ZFPM2: variants seen among roughly 807,000 people sequenced by gnomAD.
The protein encoded by ZFPM2 is zinc finger protein ZFPM2.
A neutral mutation model predicts 98.6 loss-of-function variants in ZFPM2; 20 were observed. The ratio of observed to expected loss-of-function variants is 0.20; its 90% CI spans 0.14 to 0.29. The LOEUF (loss-of-function observed/expected upper bound fraction) is 0.29. Among genes scored for constraint, ZFPM2 ranks in the 10% least tolerant of loss-of-function variants. The pLI is 1.00. For missense variants in ZFPM2, 1,310 were observed against 1,388.6 expected, an observed-to-expected ratio of 0.94 and a Z score of 0.90; for synonymous variants, 518 against 502.7, an observed-to-expected ratio of 1.03 and a Z score of -0.41.
At chr8:105,764,734 A>C (rs2131079087) in intron 5 of ZFPM2, among the ~76,000 whole-genome samples, 1 of 151,698 alleles carries the variant, frequency 6.6e-6, no homozygotes, top group South Asian at 2.1e-4. Context: ...ATTTCAGGGT[A>C]ATTTTATACA....
intron 2 of ZFPM2, among the ~76,000 whole-genome samples, chr8:105,441,421 AAAGAAAG>A (rs1399976753): frequency 7.6e-5 from 9 of 118,352 alleles, no homozygotes; most frequent in African/African-American, 3.9e-4. Context: ...CAACAAAAAA[AAAGAAAG>A]AAAGAAAGAG....
At chr8:105,524,908 T>C (rs1814142158) in intron 3 of ZFPM2, among the ~76,000 whole-genome samples, 1 of 152,096 alleles carries the variant, frequency 6.6e-6, no homozygotes, top group Non-Finnish European at 1.5e-5. Flanking sequence ...GAGATAATGG[T>C]CGAGCTGTGG....
At chr8:105,495,423 A>G (rs1371809076) in intron 3 of ZFPM2, among the ~76,000 whole-genome samples, 25 of 152,232 alleles carry the variant, frequency 1.6e-4, no homozygotes, top group Non-Finnish European at 3.5e-4. Context: ...CCCTTGATAC[A>G]GGAAAGAATG....
At chr8:105,472,755 G>A (rs1252114018) in intron 3 of ZFPM2, among the ~76,000 whole-genome samples, 4 of 151,306 alleles carry the variant, frequency 2.6e-5, no homozygotes, top group African/African-American at 4.9e-5. Context: ...TGATCCACCC[G>A]CCTCGGCCTC....
At chr8:105,501,229 T>A (rs893514479) in intron 3 of ZFPM2, among the ~76,000 whole-genome samples, 1 of 150,916 alleles carries the variant, frequency 6.6e-6, no homozygotes, top group Non-Finnish European at 1.5e-5. Flanking sequence ...GTCGCCCAGG[T>A]TGCAGTGCAG....
At chr8:105,576,433 C>T (rs2130732134) in intron 4 of ZFPM2, among the ~76,000 whole-genome samples, 1 of 152,248 alleles carries the variant, frequency 6.6e-6, no homozygotes, top group East Asian at 1.9e-4. Flanking sequence ...AACTTAGCTG[C>T]TTGGAGGTGA....
At chr8:105,645,011 G>A (rs1817016009) in intron 5 of ZFPM2, among the ~76,000 whole-genome samples, 1 of 152,120 alleles carries the variant, frequency 6.6e-6, no homozygotes, top group Non-Finnish European at 1.5e-5. Context: ...ATTGACCAAA[G>A]AATTTTAATG....
At chr8:105,526,830 T>C (rs1274084348) in intron 3 of ZFPM2, among the ~76,000 whole-genome samples, 1 of 152,196 alleles carries the variant, frequency 6.6e-6, no homozygotes, top group East Asian at 1.9e-4. Flanking sequence ...AAAATGTTTG[T>C]AAATTCATAG....
In ZFPM2 at chr8:105,318,773, A is replaced by T. The variant is rs1180181601; in HGVS notation, c.-169A>T. ...ATTTGCTTGCTCATCTCCGAACGTG[A>T]ATCCGCGGCTCCCGGAGGAGCCCAG... On this transcript the variant is annotated 5_prime_UTR_variant, in exon 1 of 8. Coordinates refer to ENST00000407775, the MANE Select transcript of ZFPM2 (RefSeq NM_012082.4). 1.2e-5 allele frequency: 2 copies of T among 169,380 alleles called. No individual in the cohort carries two copies. Among genetic ancestry groups the T allele is most frequent in the Non-Finnish European group, 2.3e-5 (2 of 85,318 alleles). 10.5% of individuals were successfully genotyped at this position (169,380 alleles called of 1,614,324 possible). A position where few individuals can be genotyped will look rare whatever the true frequency, so the allele number is the denominator to read the frequency against.
intron 5 of ZFPM2, among the ~76,000 whole-genome samples, chr8:105,720,833 G>A (rs1811644801): frequency 6.6e-6 from 1 of 151,864 alleles, no homozygotes; most frequent in Admixed American, 6.6e-5. Flanking sequence ...CATTTCGGAT[G>A]GGCTCTGAAA....
chr8:105,471,776 T>C (rs980704138), intron 3 of ZFPM2, among the ~76,000 whole-genome samples: 3 of 152,220 alleles, frequency 2.0e-5, no homozygotes, highest in African/African-American at 7.2e-5. Context: ...GCTAAGAATT[T>C]CAGTTCTTAT....
At chr8:105,759,993 T>C (rs1412205764) in intron 5 of ZFPM2, among the ~76,000 whole-genome samples, 1 of 152,088 alleles carries the variant, frequency 6.6e-6, no homozygotes, top group African/African-American at 2.4e-5. Flanking sequence ...TAGATTAGGT[T>C]AATTCAGAGG....
intron 7 of ZFPM2, among the ~76,000 whole-genome samples, chr8:105,799,503 G>C (rs1451079146): frequency 6.6e-6 from 1 of 151,984 alleles, no homozygotes; most frequent in Non-Finnish European, 1.5e-5. Context: ...ACTACTTTTA[G>C]TACTATGTTT....
At chr8:105,795,246 T>TTGTGTGTGTG (rs780534248) in intron 6 of ZFPM2, among the ~76,000 whole-genome samples, 2,752 of 138,264 alleles carry the variant, frequency 0.02, 124 homozygotes, top group African/African-American at 0.07. Context: ...CATTTTATCT[T>TTGTGTGTGTG]TGTGTGTGTG....
chr8:105,436,201 A>G (rs565755896), intron 2 of ZFPM2, among the ~76,000 whole-genome samples: 1 of 152,194 alleles, frequency 6.6e-6, no homozygotes, highest in Non-Finnish European at 1.5e-5. Flanking sequence ...GCTTATGAAG[A>G]TCAAATTCGT....
At chr8:105,704,863 G>T (rs1212968145) in intron 5 of ZFPM2, among the ~76,000 whole-genome samples, 1 of 152,100 alleles carries the variant, frequency 6.6e-6, no homozygotes, top group Non-Finnish European at 1.5e-5. Flanking sequence ...TAGTTCACTG[G>T]TTAGCACAGA....
intron 3 of ZFPM2, among the ~76,000 whole-genome samples, chr8:105,553,381 C>T (rs1402368507): frequency 6.6e-6 from 1 of 152,098 alleles, no homozygotes; most frequent in African/African-American, 2.4e-5. Flanking sequence ...ATGCTGTACA[C>T]ATTGATTTCT....
At chr8:105,348,659 C>T (rs895877239) in intron 1 of ZFPM2, among the ~76,000 whole-genome samples, 1 of 152,122 alleles carries the variant, frequency 6.6e-6, no homozygotes, top group Non-Finnish European at 1.5e-5. Context: ...CATTTTACCT[C>T]CTGTCCACTT....
intron 3 of ZFPM2, among the ~76,000 whole-genome samples, chr8:105,463,286 T>C (rs1351702987): frequency 4.7e-5 from 2 of 42,430 alleles, no homozygotes; most frequent in African/African-American, 1.1e-4. Flanking sequence ...AAACTATATA[T>C]GTGTGTGTGT....
Sources: gnomAD v4.1 joint callset for allele counts (sites outside exome capture counted in the v4.1 genomes callset) on GRCh38, gnomAD v4.1.1 for gene constraint, MANE v1.5 for transcripts, NCBI Gene and HGNC (gene_info 2026-07-23, HGNC 2026-07-21) for gene names.